Variants in FAM135B observed in about 807,000 individuals in gnomAD.
FAM135B encodes the protein family with sequence similarity 135 member B, also known as protein FAM135B.
A neutral mutation model predicts 127.7 loss-of-function variants in FAM135B; 43 were observed. The observed-to-expected ratio is 0.34, with a 90% confidence interval of 0.26 to 0.43. The LOEUF (loss-of-function observed/expected upper bound fraction) is 0.43. Ranked by LOEUF, FAM135B falls within the 20% of genes least tolerant of loss-of-function variation. The pLI is 1.00. For synonymous variants in FAM135B, 670 were observed against 665.1 expected (o/e 1.01, Z -0.11); for missense variants, 1,558 against 1,725.6 (o/e 0.90, Z 1.72).
At chr8:138,197,384 C>T (rs1047175833) in intron 8 of FAM135B, 132 bp downstream of exon 8, 1 of 1,093,260 alleles carries the variant, frequency 9.1e-7, no homozygotes, top group African/African-American at 1.6e-5. Context: ...TAATAAAAAT[C>T]ACAGCCCAAA....
chr8:138,228,636 T>A (rs1310284843), intron 7 of FAM135B, among the ~76,000 whole-genome samples: 1 of 152,126 alleles, frequency 6.6e-6, no homozygotes, highest in Non-Finnish European at 1.5e-5. Context: ...TGAGCCGGCT[T>A]ACTGGGAGTG....
intron 1 of FAM135B, among the ~76,000 whole-genome samples, chr8:138,463,100 C>T (rs543002506): frequency 1.3e-5 from 2 of 152,260 alleles, no homozygotes; most frequent in Non-Finnish European, 2.9e-5. Context: ...AACTGAAGAT[C>T]TCAGTTCTAA....
intron 8 of FAM135B, among the ~76,000 whole-genome samples, chr8:138,196,186 AAATAT>A (rs1324401709): frequency 1.3e-5 from 2 of 152,234 alleles, no homozygotes; most frequent in Non-Finnish European, 2.9e-5. Context: ...CCTTTGGATA[AAATAT>A]AATATAAAAA....
rs558016316 is a variant in FAM135B at position 138,376,308 on chromosome 8, G to A, written c.-19-8306C>T. 3.3e-5 allele frequency among the ~76,000 whole-genome samples: 5 copies of A among 152,184 alleles called. No homozygotes were observed. The East Asian group carries it at 7.7e-4, about 24-fold the overall frequency. ...TAGTTGTCAGTTCTCACTATCATTA[G>A]CTCCTCAAATTCAACTTCTTATCTC... is the stretch of plus-strand genomic sequence containing the variant. On this transcript the variant is annotated intron_variant, in intron 1 of 19. Transcript: ENST00000395297.
intron 3 of FAM135B, among the ~76,000 whole-genome samples, chr8:138,284,729 T>A (rs767053304): frequency 5.3e-5 from 8 of 152,020 alleles, no homozygotes; most frequent in Non-Finnish European, 1.0e-4. Flanking sequence ...CCCTGGAAAG[T>A]CTTCCCTAAT....
chr8:138,268,083 A>C (rs1202464586), intron 3 of FAM135B, among the ~76,000 whole-genome samples: 1 of 152,138 alleles, frequency 6.6e-6, no homozygotes, highest in Non-Finnish European at 1.5e-5. Flanking sequence ...CAGTTCAATC[A>C]CTTGCTGTCT....
At chr8:138,220,768 C>T (rs1818969722) in intron 7 of FAM135B, among the ~76,000 whole-genome samples, 1 of 152,126 alleles carries the variant, frequency 6.6e-6, no homozygotes, top group South Asian at 2.1e-4. Flanking sequence ...TAAATTTCAT[C>T]TCATGGTTTA....
intron 1 of FAM135B, among the ~76,000 whole-genome samples, chr8:138,451,888 T>C (rs933718212): frequency 6.6e-6 from 1 of 152,172 alleles, no homozygotes; most frequent in South Asian, 2.1e-4. Flanking sequence ...TTTCAAGACA[T>C]TGCGGTATAG....
At chr8:138,369,688 C>T (rs976305304) in intron 1 of FAM135B, among the ~76,000 whole-genome samples, 1 of 152,178 alleles carries the variant, frequency 6.6e-6, no homozygotes, top group Non-Finnish European at 1.5e-5. Context: ...AAGGTCAGAA[C>T]CCGAGGCTCA....
In FAM135B at chr8:138,288,243, C is replaced by T. The variant is rs575993653; in HGVS notation, c.158-22401G>A. On this transcript the variant is annotated intron_variant, in intron 3 of 19. Transcript: ENST00000395297. ...CACAACAAGAGAAGATGGTGGTGAC[C>T]AAGAGGTACATCAAATTACCAGACT... Among the ~76,000 whole-genome samples the T allele has an allele frequency of 6.6e-5, 10 of 152,170 alleles. No individual in the cohort carries two copies. The East Asian group carries it at 1.9e-3, about 29-fold the overall frequency.
intron 3 of FAM135B, among the ~76,000 whole-genome samples, chr8:138,294,620 A>G (rs1825348185): frequency 6.6e-6 from 1 of 152,214 alleles, no homozygotes; most frequent in Non-Finnish European, 1.5e-5. Context: ...TAAAAGGTTT[A>G]GCTCTTAACA....
At chr8:138,462,844 G>C (rs1837202983) in intron 1 of FAM135B, among the ~76,000 whole-genome samples, 1 of 152,164 alleles carries the variant, frequency 6.6e-6, no homozygotes. Flanking sequence ...GTCCAGATTT[G>C]GGGAAAGTCA....
intron 1 of FAM135B, among the ~76,000 whole-genome samples, chr8:138,476,502 G>A (rs1446924397): frequency 6.6e-6 from 1 of 150,540 alleles, no homozygotes; most frequent in Non-Finnish European, 1.5e-5. Flanking sequence ...CAATTTTACT[G>A]TGAACTGAAA....
chr8:138,143,203 C>A (rs1817363047), intron 15 of FAM135B, 94 bp from the exon 16 acceptor site: 1 of 706,372 alleles, frequency 1.4e-6, no homozygotes, highest in Non-Finnish European at 2.5e-6. Flanking sequence ...CACTGTGGCG[C>A]CTACTGGGGA....
At chr8:138,422,152 T>TGAAATCATAAAAACCC (rs1347107936) in intron 1 of FAM135B, among the ~76,000 whole-genome samples, 1 of 152,038 alleles carries the variant, frequency 6.6e-6, no homozygotes, top group Non-Finnish European at 1.5e-5. Flanking sequence ...ACATAAAACC[T>TGAAATCATAAAAACCC]GAAATCATAA....
chr8:138,400,899 C>A (rs1833122245), intron 1 of FAM135B, among the ~76,000 whole-genome samples: 1 of 152,180 alleles, frequency 6.6e-6, no homozygotes, highest in South Asian at 2.1e-4. Context: ...CAATTTATTT[C>A]CTACAGTTTG....
rs762728734 is a variant in FAM135B, at chr8:138,243,133, G to A, written c.543-65C>T. 25 of 1,548,754 alleles carry A rather than the reference G, an allele frequency of 1.6e-5. No homozygotes were observed. Among genetic ancestry groups the A allele is most frequent in the East Asian group, 4.5e-5 (2 of 43,958 alleles). On this transcript the variant is annotated intron_variant, in intron 6 of 19. Coordinates refer to ENST00000395297, the MANE Select transcript of FAM135B (RefSeq NM_015912.4). This position sits in a 1 kb window ranked among gnomAD's most constrained non-coding sequence, Gnocchi z 7.5. ...AGAAAGTGATGGTGCCATTAACTCA[G>A]CCCCTTTGAGGAGTGTTCCTGTGAA...
At chr8:138,380,344 C>T (rs140552699) in intron 1 of FAM135B, among the ~76,000 whole-genome samples, 2,675 of 152,112 alleles carry the variant, frequency 0.018, 78 homozygotes, top group African/African-American at 0.058. Context: ...TTACAGGTGC[C>T]TGCCACCACG....
chr8:138,138,719 C>G (rs12543495), intron 18 of FAM135B, among the ~76,000 whole-genome samples: 88,647 of 152,104 alleles, frequency 0.58, 26,476 homozygotes, highest in Non-Finnish European at 0.64. Context: ...AAAACTGGCA[C>G]AAAGTGGAAG....
Sources: gnomAD v4.1 joint callset for allele counts (sites outside exome capture counted in the v4.1 genomes callset) on GRCh38, gnomAD v4.1.1 for gene constraint, Gnocchi (gnomAD v3.1) non-coding constraint, MANE v1.5 for transcripts, NCBI Gene and HGNC (gene_info 2026-07-23, HGNC 2026-07-21) for gene names.